Variants in ZNF704 observed in about 807,000 individuals in gnomAD.
The protein encoded by ZNF704 is zinc finger protein 704.
A neutral mutation model predicts 44.7 loss-of-function variants in ZNF704; 10 were observed. That is an observed-to-expected ratio of 0.22 (90% CI 0.14 to 0.38). The LOEUF (loss-of-function observed/expected upper bound fraction) is 0.38. ZNF704 is among the 10% of genes least tolerant of loss of function. ZNF704 has a pLI of 1.00. For missense variants in ZNF704, 390 were observed against 545.5 expected (o/e 0.71, Z 2.84); for synonymous variants, 211 against 207.6 (o/e 1.02, Z -0.14).
intron 1 of ZNF704, among the ~76,000 whole-genome samples, chr8:80,849,664 AT>A (rs1214144601): frequency 1.3e-5 from 2 of 152,188 alleles, no homozygotes; most frequent in Non-Finnish European, 2.9e-5. Context: ...GGCTGACTCA[AT>A]TTGCAAGAGA....
chr8:80,742,841 G>C (rs937108494), intron 2 of ZNF704, among the ~76,000 whole-genome samples: 1 of 152,044 alleles, frequency 6.6e-6, no homozygotes, highest in Non-Finnish European at 1.5e-5. Flanking sequence ...GAGCACTTGG[G>C]TTTTCCTGTT....
intron 2 of ZNF704, among the ~76,000 whole-genome samples, chr8:80,806,208 C>T (rs954332639): frequency 6.6e-6 from 1 of 152,122 alleles, no homozygotes; most frequent in Non-Finnish European, 1.5e-5. Flanking sequence ...GTATTAAGTC[C>T]ATTATTCAAA....
In ZNF704 at chr8:80,687,448, G is replaced by A. The variant is rs1246878928; in HGVS notation, c.336C>T (p.Ser112=). 3.8e-6 allele frequency: 6 copies of A among 1,564,820 alleles called. No homozygotes were observed. Among genetic ancestry groups the A allele is most frequent in the African/African-American group, 2.7e-5 (2 of 74,056 alleles). ...CGCAGCCGCCCTCCTTCCAGGATCCGCTGAGGCTCTCTGCATGCACACAAA... is the reference window on the plus strand; with the variant it reads ...CGCAGCCGCCCTCCTTCCAGGATCCACTGAGGCTCTCTGCATGCACACAAA... ...SPPVRPNESL[S]GSWKEGGCVP... Residue 112 remains serine, a synonymous_variant, in exon 4 of 9, where the codon AGC becomes AGT. Coordinates refer to ENST00000327835, the MANE Select transcript of ZNF704 (RefSeq NM_001033723.3).
intron 2 of ZNF704, among the ~76,000 whole-genome samples, chr8:80,736,910 A>ATTGAAT (rs1238813318): frequency 6.6e-6 from 1 of 151,904 alleles, no homozygotes; most frequent in African/African-American, 2.4e-5. Context: ...TTCAATTAAT[A>ATTGAAT]TGGTCTAGGG....
chr8:80,863,657 T>C (rs1809106646), intron 1 of ZNF704, among the ~76,000 whole-genome samples: 1 of 152,206 alleles, frequency 6.6e-6, no homozygotes, highest in African/African-American at 2.4e-5. Flanking sequence ...TTCTATTAGT[T>C]ACAATGCACT....
At chr8:80,878,649 T>C (rs1809389981), upstream of ZNF704, among the ~76,000 whole-genome samples, 1 of 152,160 alleles carries the variant, frequency 6.6e-6, no homozygotes, top group Non-Finnish European at 1.5e-5. Flanking sequence ...GTATGAAAAA[T>C]AGATTAAGGT....
chr8:80,641,525 G>T, intron 8 of ZNF704, 48 bp from the exon 9 acceptor site: 1 of 1,265,748 alleles, frequency 7.9e-7, no homozygotes. Context: ...AATTCAATGG[G>T]CATTCTATGG....
chr8:80,759,043 C>T (rs941004372), intron 2 of ZNF704, among the ~76,000 whole-genome samples: 1 of 152,182 alleles, frequency 6.6e-6, no homozygotes, highest in African/African-American at 2.4e-5. Context: ...CACTATACTG[C>T]TTCCCATCAC....
chr8:80,703,408 G>T (rs555584278), intron 2 of ZNF704, among the ~76,000 whole-genome samples: 1 of 152,052 alleles, frequency 6.6e-6, no homozygotes, highest in Non-Finnish European at 1.5e-5. Context: ...CTCCCCATGC[G>T]AAGATCAGGG....
At chr8:80,856,257 A>C (rs77534183) in intron 1 of ZNF704, among the ~76,000 whole-genome samples, 1,783 of 152,130 alleles carry the variant, frequency 0.012, 33 homozygotes, top group African/African-American at 0.04. Context: ...CCGTGCCCGG[A>C]CCCTGTTCAA....
intron 4 of ZNF704, among the ~76,000 whole-genome samples, chr8:80,681,798 T>C (rs1162403277): frequency 6.6e-6 from 1 of 152,206 alleles, no homozygotes; most frequent in Non-Finnish European, 1.5e-5. Context: ...AGTAGTCCTT[T>C]AACTTGGAAA....
chr8:80,850,652 C>T (rs1808843013), intron 1 of ZNF704, among the ~76,000 whole-genome samples: 1 of 152,192 alleles, frequency 6.6e-6, no homozygotes, highest in African/African-American at 2.4e-5. Context: ...ATCTCTCTTT[C>T]AGTCTTTAAA....
At chr8:80,730,538 TA>T (rs148942015) in intron 2 of ZNF704, among the ~76,000 whole-genome samples, 1,296 of 63,900 alleles carry the variant, frequency 0.02, 13 homozygotes, top group Middle Eastern at 0.039. Flanking sequence ...GACTACATCT[TA>T]AAAAAAAAAA....
chr8:80,687,089 T>C (rs1457575996), intron 4 of ZNF704, 137 bp downstream of exon 4: 2 of 700,746 alleles, frequency 2.9e-6, no homozygotes, highest in Non-Finnish European at 2.4e-6. Flanking sequence ...TTCAAGAACA[T>C]TAAAGAGGAA....
At chr8:80,719,418 A>G (rs751536468) in intron 2 of ZNF704, among the ~76,000 whole-genome samples, 5 of 152,198 alleles carry the variant, frequency 3.3e-5, no homozygotes, top group Non-Finnish European at 7.3e-5. Flanking sequence ...ACTTCCATGA[A>G]ATGCTTCCAG....
chr8:80,681,912 C>G (rs917683137), intron 4 of ZNF704, among the ~76,000 whole-genome samples: 1 of 152,150 alleles, frequency 6.6e-6, no homozygotes, highest in Non-Finnish European at 1.5e-5. Context: ...ACTAAGTTAC[C>G]TAGATATCAC....
chr8:80,731,554 T>C (rs1197003759), intron 2 of ZNF704, among the ~76,000 whole-genome samples: 1 of 152,234 alleles, frequency 6.6e-6, no homozygotes, highest in Non-Finnish European at 1.5e-5. Flanking sequence ...ACTTTCTATA[T>C]GTATGAAAGA....
chr8:80,839,839 T>TGAGAGAGAGA (rs138328208), intron 1 of ZNF704, among the ~76,000 whole-genome samples: 5 of 150,500 alleles, frequency 3.3e-5, no homozygotes, highest in African/African-American at 1.2e-4. Flanking sequence ...CCAGCCATAA[T>TGAGAGAGAGA]GAGAGAGAGA....
At chr8:80,711,537 C>T (rs1432209577) in intron 2 of ZNF704, among the ~76,000 whole-genome samples, 1 of 152,184 alleles carries the variant, frequency 6.6e-6, no homozygotes, top group Admixed American at 6.5e-5. Context: ...AGGTTAAAGA[C>T]TCACTGCTTT....
Sources: gnomAD v4.1 joint callset for allele counts (sites outside exome capture counted in the v4.1 genomes callset) on GRCh38, gnomAD v4.1.1 for gene constraint, MANE v1.5 for transcripts, NCBI Gene and HGNC (gene_info 2026-07-23, HGNC 2026-07-21) for gene names.